EZH2: variants seen among roughly 807,000 people sequenced by gnomAD.
EZH2 encodes the protein enhancer of zeste 2 polycomb repressive complex 2 subunit, also known as histone-lysine N-methyltransferase EZH2.
A neutral mutation model predicts 98.4 loss-of-function variants in EZH2; 18 were observed. The observed-to-expected ratio is 0.18, with a 90% CI of 0.13 to 0.27. The LOEUF is 0.27. Ranked by LOEUF, EZH2 falls within the 10% of genes least tolerant of loss-of-function variation. EZH2 has a pLI of 1.00. For synonymous variants in EZH2, 338 were observed against 312.3 expected, an observed-to-expected ratio of 1.08 and a Z score of -0.87; for missense variants, 470 against 935.1, an observed-to-expected ratio of 0.50 and a Z score of 6.49.
intron 1 of EZH2, among the ~76,000 whole-genome samples, chr7:148,847,837 C>G (rs1338395253): frequency 6.6e-6 from 1 of 152,236 alleles, no homozygotes; most frequent in African/African-American, 2.4e-5. Context: ...TCATGCACCT[C>G]TCCTTAAACA....
intron 17 of EZH2, among the ~76,000 whole-genome samples, chr7:148,810,009 TGGA>T (rs1273271482): frequency 6.6e-5 from 10 of 152,242 alleles, no homozygotes; most frequent in Non-Finnish European, 1.5e-4. Flanking sequence ...AGGCACTGAC[TGGA>T]GGAGGTGTGC....
At chr7:148,829,602 C>A (rs1369232164) in intron 5 of EZH2, 126 bp downstream of exon 5, 14 of 1,018,822 alleles carry the variant, frequency 1.4e-5, no homozygotes, top group Non-Finnish European at 2.0e-5. Context: ...AGGTTCAGTC[C>A]CTTATAGTTC....
chr7:148,867,254 A>T (rs1818684150), intron 1 of EZH2, among the ~76,000 whole-genome samples: 1 of 151,994 alleles, frequency 6.6e-6, no homozygotes, highest in South Asian at 2.1e-4. Context: ...TGAACCCAGG[A>T]GGCGGAGGTT....
At chr7:148,841,984 A>T (rs1049897561) in intron 3 of EZH2, among the ~76,000 whole-genome samples, 2 of 152,222 alleles carry the variant, frequency 1.3e-5, no homozygotes, top group Non-Finnish European at 2.9e-5. Flanking sequence ...TAAATATTTA[A>T]AAGTCCAAAA....
At chr7:148,830,726 G>T (rs1374696602) in intron 4 of EZH2, among the ~76,000 whole-genome samples, 1 of 152,228 alleles carries the variant, frequency 6.6e-6, no homozygotes, top group East Asian at 1.9e-4. Context: ...CAACAGAGAA[G>T]AAAGAAGAAT....
chr7:148,878,118 C>T lies in EZH2; in HGVS notation c.-8+6046G>A, dbSNP rs1167514989. Reference sequence around the variant, plus strand: ...GATATATATAGATACAGATACATATCGTGTAAAATTTACCATTTTAACCAT... The same window carrying T: ...GATATATATAGATACAGATACATATTGTGTAAAATTTACCATTTTAACCAT... On this transcript the variant is annotated intron_variant, in intron 1 of 19. Coordinates refer to ENST00000320356, the MANE Select transcript of EZH2 (RefSeq NM_004456.5). 3.3e-5 allele frequency among the ~76,000 whole-genome samples: 5 copies of T among 152,114 alleles called. No individual in the cohort carries two copies. The East Asian group carries it at 7.7e-4, about 23-fold the overall frequency.
Position 148,819,673 on chromosome 7 carries a change from G to T in EZH2, c.922C>A (p.Pro308Thr). The change falls in exon 9 of 20, where the codon CCC (proline) becomes ACC (threonine). Residue 308 changes from proline to threonine, a missense_variant. Physicochemically the swap from Pro to Thr is conservative, Grantham distance 38. This residue lies in a region of EZH2 where 192 missense variants were observed against 306.8 expected (regional missense o/e 0.63). Transcript: ENST00000320356. ...GTGTTCTTCCGCTTATAAGTGTTGGGTGTTGCATGAAAAGCTGCAAAATAA... is the reference window on the plus strand; with the variant it reads ...GTGTTCTTCCGCTTATAAGTGTTGGTTGTTGCATGAAAAGCTGCAAAATAA... ...RKCNYSFHAT[P>T]NTYKRKNTET... 6.2e-7 allele frequency: 1 copy of T among 1,613,924 alleles called. No homozygotes were observed. Among genetic ancestry groups the T allele is most frequent in the Non-Finnish European group, 8.5e-7 (1 of 1,179,910 alleles).
At chr7:148,823,947 A>G (rs919018511) in intron 8 of EZH2, among the ~76,000 whole-genome samples, 11 of 152,180 alleles carry the variant, frequency 7.2e-5, no homozygotes, top group African/African-American at 2.7e-4. Context: ...AATCCTCACA[A>G]CAGCTCTGTA....
chr7:148,873,491 C>CAAAAAAAAA (rs1162280467), intron 1 of EZH2, among the ~76,000 whole-genome samples: 3 of 58,522 alleles, frequency 5.1e-5, no homozygotes, highest in Non-Finnish European at 9.9e-5. Flanking sequence ...GACTCTGTCT[C>CAAAAAAAAA]AAAAAAAAAA....
intron 7 of EZH2, 76 bp from the exon 8 acceptor site, chr7:148,826,708 C>T (rs996866147): frequency 7.3e-5 from 90 of 1,225,710 alleles, no homozygotes; most frequent in Non-Finnish European, 4.2e-5. Context: ...TAAAAGGTTT[C>T]CATGTGTTAC....
At chr7:148,819,267 A>G (rs1290694267) in intron 9 of EZH2, among the ~76,000 whole-genome samples, 1 of 152,144 alleles carries the variant, frequency 6.6e-6, no homozygotes, top group Admixed American at 6.5e-5. Context: ...ACTGCGTATG[A>G]TTACTGCATG....
chr7:148,812,414 T>G (rs1225352503), intron 15 of EZH2, among the ~76,000 whole-genome samples: 1 of 152,222 alleles, frequency 6.6e-6, no homozygotes, highest in Non-Finnish European at 1.5e-5. Context: ...CGGCTCAGTA[T>G]TATGCTTTCA....
In EZH2 at chr7:148,813,090, A is replaced by G. The variant is rs541660806; in HGVS notation, c.1851+869T>C. 6.0e-5 allele frequency among the ~76,000 whole-genome samples: 9 copies of G among 150,202 alleles called. No homozygotes were observed. In the South Asian group the frequency reaches 1.7e-3, roughly 28 times the overall value. On this transcript the variant is annotated intron_variant, in intron 15 of 19. Coordinates refer to ENST00000320356, the MANE Select transcript of EZH2 (RefSeq NM_004456.5). The stretch of plus-strand genomic sequence containing the variant: ...ACACACACACACACACACACAGAGC[A>G]TAAGAGCAGGTTAATGGGAGCCTGG...
chr7:148,858,888 G>A (rs1325805296), intron 1 of EZH2, among the ~76,000 whole-genome samples: 1 of 152,022 alleles, frequency 6.6e-6, no homozygotes, highest in African/African-American at 2.4e-5. Flanking sequence ...TGAATCAAGG[G>A]AAGTAACTGT....
At chr7:148,871,734 C>T (rs1199055787) in intron 1 of EZH2, among the ~76,000 whole-genome samples, 1 of 152,078 alleles carries the variant, frequency 6.6e-6, no homozygotes, top group African/African-American at 2.4e-5. Flanking sequence ...GCCACCACAC[C>T]TAGCTAACTT....
intron 3 of EZH2, among the ~76,000 whole-genome samples, chr7:148,840,609 T>C (rs995062318): frequency 1.3e-5 from 2 of 152,160 alleles, no homozygotes; most frequent in Non-Finnish European, 2.9e-5. Flanking sequence ...ACTTTTAAAC[T>C]AGTTTCATTA....
chr7:148,811,440 C>T (rs1216586059), intron 16 of EZH2, among the ~76,000 whole-genome samples, 185 bp downstream of exon 16: 6 of 152,248 alleles, frequency 3.9e-5, no homozygotes, highest in Admixed American at 6.5e-5. Flanking sequence ...AGTCGGCCAC[C>T]GCGCCCAGCA....
At chr7:148,868,172 G>C (rs898726392) in intron 1 of EZH2, among the ~76,000 whole-genome samples, 2 of 152,132 alleles carry the variant, frequency 1.3e-5, no homozygotes, top group African/African-American at 4.8e-5. Context: ...CACATTTTCA[G>C]GTATCTTTAT....
intron 10 of EZH2, 126 bp from the exon 11 acceptor site, chr7:148,817,517 T>A: frequency 1.1e-6 from 1 of 880,910 alleles, no homozygotes; most frequent in Non-Finnish European, 1.7e-6. Flanking sequence ...GGCAAAACAC[T>A]AACCCATCGT....
Sources: allele counts gnomAD v4.1 joint callset (sites outside exome capture counted in the v4.1 genomes callset), GRCh38; gene constraint gnomAD v4.1.1; regional missense constraint gnomAD v4.1.1; transcripts MANE v1.5; gene names NCBI Gene and HGNC (gene_info 2026-07-23, HGNC 2026-07-21).